Variants in NRXN3 observed in about 807,000 individuals in gnomAD.
The protein encoded by NRXN3 is neurexin III.
NRXN3 carries 32 observed loss-of-function variants against 137.6 expected under a neutral mutation model. The ratio of observed to expected loss-of-function variants is 0.23; its 90% confidence interval spans 0.18 to 0.31. The LOEUF is 0.31. Ranked by LOEUF, NRXN3 falls within the 10% of genes least tolerant of loss-of-function variation. NRXN3 has a pLI of 1.00. For missense variants in NRXN3, 1,574 were observed against 2,062.5 expected, an observed-to-expected ratio of 0.76 and a Z score of 4.59; for synonymous variants, 798 against 784.5, an observed-to-expected ratio of 1.02 and a Z score of -0.29.
chr14:79,475,705 TTTC>T (rs2096553615), intron 16 of NRXN3, among the ~76,000 whole-genome samples: 1 of 152,122 alleles, frequency 6.6e-6, no homozygotes, highest in Non-Finnish European at 1.5e-5. Flanking sequence ...CTCAAAGATT[TTTC>T]TTCAACTAAC....
chr14:79,352,631 T>C (rs1305343967), intron 15 of NRXN3, among the ~76,000 whole-genome samples: 2 of 152,124 alleles, frequency 1.3e-5, no homozygotes, highest in East Asian at 3.8e-4. Context: ...TAAAACAGAA[T>C]AAAAATTAAT....
At chr14:79,137,186 A>G (rs755135710) in intron 15 of NRXN3, among the ~76,000 whole-genome samples, 2 of 152,312 alleles carry the variant, frequency 1.3e-5, no homozygotes, top group South Asian at 4.1e-4. Flanking sequence ...TGCTGTCTCA[A>G]TAGGTAGATC....
At chr14:79,435,670 C>T (rs894571552) in intron 15 of NRXN3, among the ~76,000 whole-genome samples, 4 of 152,014 alleles carry the variant, frequency 2.6e-5, no homozygotes, top group African/African-American at 9.7e-5. Flanking sequence ...GGATCTCGCT[C>T]TGTCACCCAG....
At chr14:79,856,338 A>G (rs1455619127) in intron 20 of NRXN3, among the ~76,000 whole-genome samples, 1 of 152,164 alleles carries the variant, frequency 6.6e-6, no homozygotes, top group Non-Finnish European at 1.5e-5. Flanking sequence ...ACACACTTCT[A>G]TGTCACCAAA....
intron 19 of NRXN3, among the ~76,000 whole-genome samples, chr14:79,718,364 A>G (rs988165695): frequency 6.6e-6 from 1 of 152,204 alleles, no homozygotes; most frequent in Non-Finnish European, 1.5e-5. Context: ...AGTGGCAGGG[A>G]CTGAAACAGA....
chr14:79,124,015 C>T (rs968380234), intron 15 of NRXN3, among the ~76,000 whole-genome samples: 2 of 152,130 alleles, frequency 1.3e-5, no homozygotes, highest in South Asian at 2.1e-4. Flanking sequence ...ATCACACCAC[C>T]GAATGAGCAA....
At chr14:78,694,546 C>T (rs1163504155) in intron 6 of NRXN3, among the ~76,000 whole-genome samples, 1 of 151,924 alleles carries the variant, frequency 6.6e-6, no homozygotes, top group Non-Finnish European at 1.5e-5. Context: ...ATTACAAATA[C>T]TTCATACTCT....
At position 79,084,844 on chromosome 14, in the gene NRXN3, T is replaced by C. The variant is rs931513597; in HGVS notation, c.3262+96703T>C. ...GCTTACTGTTCTGGTTTAAACCCCTTGTGGCATTTTCTACTGCATGGATAG... is the reference window on the plus strand; with the variant it reads ...GCTTACTGTTCTGGTTTAAACCCCTCGTGGCATTTTCTACTGCATGGATAG... On this transcript the variant is annotated intron_variant, in intron 15 of 20. Coordinates refer to ENST00000335750, the MANE Select transcript of NRXN3 (RefSeq NM_001330195.2). Among the ~76,000 whole-genome samples the C allele has an allele frequency of 5.1e-4, 78 of 152,166 alleles. 5 individuals carry two copies.
intron 15 of NRXN3, among the ~76,000 whole-genome samples, chr14:79,165,389 C>T (rs2061187465): frequency 6.6e-6 from 1 of 151,978 alleles, no homozygotes; most frequent in Non-Finnish European, 1.5e-5. Context: ...CTGTGAATCA[C>T]AAAGTTGTGG....
rs72697826 is a variant in NRXN3, at chr14:78,338,457, G to A, written c.757+40597G>A. Among the ~76,000 whole-genome samples the A allele has an allele frequency of 2.9e-3, 444 of 152,226 alleles. 1 individual carries two copies. Among genetic ancestry groups the A allele is most frequent in the Middle Eastern group, 0.01 (3 of 294 alleles). ...CTGTGTTTGCTGGTGGGGGAATGGG[G>A]ACTCTTCCTTATCAATGAGCCCTGT... is the stretch of plus-strand genomic sequence containing the variant. On this transcript the variant is annotated intron_variant, in intron 4 of 20. Coordinates refer to ENST00000335750, the MANE Select transcript of NRXN3 (RefSeq NM_001330195.2).
intron 16 of NRXN3, among the ~76,000 whole-genome samples, chr14:79,510,436 C>G (rs1018638373): frequency 2.6e-5 from 4 of 152,116 alleles, no homozygotes; most frequent in African/African-American, 9.7e-5. Context: ...GACTTACCAG[C>G]CAGGTTACAA....
Position 78,988,142 on chromosome 14 carries a change from G to T in NRXN3, c.3262+1G>T. On this transcript the variant is annotated splice_donor_variant, in intron 15 of 20. Coordinates refer to ENST00000335750, the MANE Select transcript of NRXN3 (RefSeq NM_001330195.2). LOFTEE classifies it high-confidence loss of function. Reference sequence around the variant, plus strand: ...TATTCTGGAAACCAGTGCAATGATCGTAAGTACAACAACCTTTCATACTGG... The same window carrying T: ...TATTCTGGAAACCAGTGCAATGATCTTAAGTACAACAACCTTTCATACTGG... 6.2e-7 allele frequency: 1 copy of T among 1,613,670 alleles called. No individual in the cohort carries two copies. The highest frequency in any genetic ancestry group is 8.5e-7 in the Non-Finnish European group (1 of 1,179,722).
intron 4 of NRXN3, among the ~76,000 whole-genome samples, chr14:78,551,323 T>A (rs913755988): frequency 2.6e-5 from 4 of 152,246 alleles, no homozygotes; most frequent in African/African-American, 9.6e-5. Flanking sequence ...CTATGTATGC[T>A]CTTTCTCTCT....
intron 15 of NRXN3, among the ~76,000 whole-genome samples, chr14:79,457,350 C>T (rs1203802478): frequency 6.6e-6 from 1 of 152,144 alleles, no homozygotes; most frequent in Admixed American, 6.5e-5. Context: ...AATGGCAATA[C>T]TAAACTATTT....
At chr14:78,947,423 T>C (rs558004581) in intron 10 of NRXN3, among the ~76,000 whole-genome samples, 27 of 152,320 alleles carry the variant, frequency 1.8e-4, no homozygotes, top group Admixed American at 3.3e-4. Flanking sequence ...GACTGTATCT[T>C]CATATCTATA....
At chr14:79,004,020 G>T (rs1229016116) in intron 15 of NRXN3, among the ~76,000 whole-genome samples, 5 of 152,114 alleles carry the variant, frequency 3.3e-5, no homozygotes, top group Non-Finnish European at 7.4e-5. Flanking sequence ...TTAAAAACTG[G>T]CACTTCTGAG....
At chr14:79,814,299 T>G (rs2099245017) in intron 20 of NRXN3, among the ~76,000 whole-genome samples, 1 of 152,246 alleles carries the variant, frequency 6.6e-6, no homozygotes, top group Non-Finnish European at 1.5e-5. Context: ...CCATCTTGTC[T>G]TGTCCACTGT....
chr14:79,301,494 C>T (rs990096287), intron 15 of NRXN3, among the ~76,000 whole-genome samples: 5 of 151,958 alleles, frequency 3.3e-5, no homozygotes, highest in African/African-American at 7.2e-5. Context: ...CCTGTCATCT[C>T]GGTAGTTATT....
In NRXN3 at chr14:79,868,032, A is replaced by G. The variant is rs1392057034; in HGVS notation, c.*6068A>G. ...GGCTCATCTGGTACTGTAACTTAAGATAAACTGCTTAGCTAAGGCTCAGCT... is the reference window on the plus strand; with the variant it reads ...GGCTCATCTGGTACTGTAACTTAAGGTAAACTGCTTAGCTAAGGCTCAGCT... On this transcript the variant is annotated 3_prime_UTR_variant, in exon 21 of 21. Coordinates refer to ENST00000335750, the MANE Select transcript of NRXN3 (RefSeq NM_001330195.2). 1 of 152,052 alleles carries G rather than the reference A, an allele frequency of 6.6e-6. No homozygotes were observed. The highest frequency in any genetic ancestry group is 1.5e-5 in the Non-Finnish European group (1 of 68,022). 9.4% of individuals were successfully genotyped at this position (152,052 alleles called of 1,614,324 possible). A position where few individuals can be genotyped will look rare whatever the true frequency, so the allele number is the denominator to read the frequency against.
Sources: allele counts gnomAD v4.1 joint callset (sites outside exome capture counted in the v4.1 genomes callset), GRCh38; gene constraint gnomAD v4.1.1; transcripts MANE v1.5; gene names NCBI Gene and HGNC (gene_info 2026-07-23, HGNC 2026-07-21).